The following CACUL1 variants were observed in gnomAD, a reference collection of about 807,000 sequenced individuals.
CACUL1 encodes the protein CDK2 associated cullin domain 1, also known as CDK2-associated and cullin domain-containing protein 1.
CACUL1 carries 13 observed loss-of-function variants against 45.2 expected under a neutral mutation model. The ratio of observed to expected loss-of-function variants is 0.29; its 90% CI spans 0.19 to 0.46. CACUL1 has a LOEUF of 0.46. CACUL1 is among the 20% of genes least tolerant of loss of function. The pLI is 1.00. For missense variants in CACUL1, 421 were observed against 471.4 expected (o/e 0.89, Z 0.99); for synonymous variants, 197 against 174.2 (o/e 1.13, Z -1.03).
intron 1 of CACUL1, among the ~76,000 whole-genome samples, chr10:118,730,782 T>C (rs1215643021): frequency 1.3e-5 from 2 of 152,194 alleles, no homozygotes; most frequent in East Asian, 3.8e-4. Context: ...GGCCTATCAA[T>C]GAACCACAGG....
intron 3 of CACUL1, chr10:118,726,239 C>CCA: frequency 9.9e-7 from 1 of 1,005,496 alleles, no homozygotes; most frequent in Non-Finnish European, 1.4e-6. Context: ...TTACATCAGG[C>CCA]CACACACATC....
chr10:118,730,370 GT>G lies in CACUL1; in HGVS notation c.407del (p.Tyr136SerfsTer9). On this transcript the variant is annotated frameshift_variant, in exon 2 of 9. Coordinates refer to ENST00000369151, the MANE Select transcript of CACUL1 (RefSeq NM_153810.5). LOFTEE classifies it high-confidence loss of function. ...VITIEDYKST[Y>X]WPKLDGAIDQ... The stretch of plus-strand genomic sequence containing the variant: ...CTATGGCACCATCCAATTTTGGCCA[GT>G]ATGTGCTCTTATAATCTTCAATAGT... The G allele has an allele frequency of 6.2e-7, 1 of 1,613,560 alleles. No homozygotes were observed. The highest frequency in any genetic ancestry group is 8.5e-7 in the Non-Finnish European group (1 of 1,179,496).
intron 1 of CACUL1, among the ~76,000 whole-genome samples, chr10:118,751,071 T>C (rs1845893620): frequency 6.6e-6 from 1 of 152,258 alleles, no homozygotes; most frequent in East Asian, 1.9e-4. Flanking sequence ...TAGGGTTTCC[T>C]ATTCTTTCTA....
chr10:118,686,743 T>A, intron 7 of CACUL1, 102 bp from the exon 8 acceptor site: 1 of 816,812 alleles, frequency 1.2e-6, no homozygotes, highest in Non-Finnish European at 2.1e-6. Flanking sequence ...ATTTCAGTTC[T>A]AACCAAACCT....
At chr10:118,734,186 C>T (rs898515858) in intron 1 of CACUL1, among the ~76,000 whole-genome samples, 2 of 152,196 alleles carry the variant, frequency 1.3e-5, no homozygotes, top group Non-Finnish European at 2.9e-5. Context: ...TTCTTGATTT[C>T]TACAGTTCAG....
rs540309572 is a variant in CACUL1, at chr10:118,723,238, A to G, written c.597+6057T>C. Reference sequence around the variant, plus strand: ...AAAATTATTCCATTTTTTCCCCTCTATGTCTTGTTAACTATGTTTTTTTAC... The same window carrying G: ...AAAATTATTCCATTTTTTCCCCTCTGTGTCTTGTTAACTATGTTTTTTTAC... On this transcript the variant is annotated intron_variant, in intron 3 of 8. Coordinates refer to ENST00000369151, the MANE Select transcript of CACUL1 (RefSeq NM_153810.5). 2.6e-5 allele frequency among the ~76,000 whole-genome samples: 4 copies of G among 151,816 alleles called. No homozygotes were observed. In the South Asian group the frequency reaches 8.3e-4, roughly 32 times the overall value.
chr10:118,677,434 G>A lies in CACUL1; in HGVS notation c.*8694C>T, dbSNP rs529522088. The A allele has an allele frequency of 3.4e-4, 51 of 152,198 alleles. No homozygotes were observed. The highest frequency in any genetic ancestry group is 1.2e-3 in the African/African-American group (49 of 41,524). The allele number at this position is 152,198 out of a possible 1,614,324, so 9.4% of individuals were successfully genotyped here. On this transcript the variant is annotated 3_prime_UTR_variant, in exon 9 of 9. Coordinates refer to ENST00000369151, the MANE Select transcript of CACUL1 (RefSeq NM_153810.5). ...CTGGCATGTTTAGAATGGTCCAAACGTTCATATTATGAAGTGCTTCCAAGT... is the reference window on the plus strand; with the variant it reads ...CTGGCATGTTTAGAATGGTCCAAACATTCATATTATGAAGTGCTTCCAAGT...
Position 118,682,747 on chromosome 10 carries a change from G to A in CACUL1, c.*3381C>T, listed in dbSNP as rs990224505. 4 of 152,692 alleles carry A rather than the reference G, an allele frequency of 2.6e-5. No homozygotes were observed. The highest frequency in any genetic ancestry group is 7.2e-5 in the African/African-American group (3 of 41,460). 9.5% of individuals were successfully genotyped at this position (152,692 alleles called of 1,614,324 possible). On this transcript the variant is annotated 3_prime_UTR_variant, in exon 9 of 9. Coordinates refer to ENST00000369151, the MANE Select transcript of CACUL1 (RefSeq NM_153810.5). ...CATGGCACGCAGCCAGGGAGTGGTA[G>A]CTGCACAGTGTGAGCACTGGAGATG...
At chr10:118,697,941 A>G (rs771897541) in intron 5 of CACUL1, among the ~76,000 whole-genome samples, 3 of 152,226 alleles carry the variant, frequency 2.0e-5, no homozygotes, top group Non-Finnish European at 4.4e-5. Context: ...ATAAGCAAAT[A>G]TGCATAAAAA....
intron 1 of CACUL1, among the ~76,000 whole-genome samples, chr10:118,742,720 C>CA (rs972473186): frequency 2.0e-5 from 3 of 152,022 alleles, no homozygotes; most frequent in African/African-American, 4.8e-5. Flanking sequence ...TGAAACCTCA[C>CA]AAAAAAGATT....
At position 118,754,864 on chromosome 10, in the gene CACUL1, C is replaced by A; in HGVS notation, c.-102G>T. 1 of 1,449,158 alleles carries A rather than the reference C, an allele frequency of 6.9e-7. No homozygotes were observed. Among genetic ancestry groups the A allele is most frequent in the South Asian group, 1.4e-5 (1 of 71,914 alleles). 89.8% of individuals were successfully genotyped at this position (1,449,158 alleles called of 1,614,324 possible). A position where few individuals can be genotyped will look rare whatever the true frequency, so the allele number is the denominator to read the frequency against. ...CCTCCCCGAGTTACATCGCCGGCGG[C>A]AGGAATGGGCGCAGCGGAGAGGGCT... On this transcript the variant is annotated 5_prime_UTR_variant, in exon 1 of 9. Transcript: ENST00000369151.
At chr10:118,689,904 G>A (rs1314125733) in intron 7 of CACUL1, among the ~76,000 whole-genome samples, 1 of 152,148 alleles carries the variant, frequency 6.6e-6, no homozygotes, top group African/African-American at 2.4e-5. Flanking sequence ...TAAATTAAGA[G>A]CAAATGTTCA....
intron 1 of CACUL1, among the ~76,000 whole-genome samples, chr10:118,750,180 G>A (rs183359768): frequency 3.9e-5 from 6 of 152,202 alleles, no homozygotes; most frequent in Non-Finnish European, 7.4e-5. Context: ...ACAAAAATTA[G>A]CCGGGCATGG....
chr10:118,684,681 A>G lies in CACUL1; in HGVS notation c.*1447T>C, dbSNP rs1845187105. ...TATCCCACTTCTAACTCTCCCACCCACACCACTCCCCCCAAAAAATAAACT... is the reference window on the plus strand; with the variant it reads ...TATCCCACTTCTAACTCTCCCACCCGCACCACTCCCCCCAAAAAATAAACT... On this transcript the variant is annotated 3_prime_UTR_variant, in exon 9 of 9. Coordinates refer to ENST00000369151, the MANE Select transcript of CACUL1 (RefSeq NM_153810.5). 1 of 152,144 alleles carries G rather than the reference A, an allele frequency of 6.6e-6. No individual in the cohort carries two copies. The highest frequency in any genetic ancestry group is 2.1e-4 in the South Asian group (1 of 4,830). The allele number at this position is 152,144 out of a possible 1,614,324, so 9.4% of individuals were successfully genotyped here. A position where few individuals can be genotyped will look rare whatever the true frequency, so the allele number is the denominator to read the frequency against.
intron 7 of CACUL1, 109 bp from the exon 8 acceptor site, chr10:118,686,750 A>T: frequency 1.3e-6 from 1 of 786,270 alleles, no homozygotes; most frequent in Non-Finnish European, 2.2e-6. Flanking sequence ...TTCTAACCAA[A>T]CCTATTTAAA....
chr10:118,729,028 A>C (rs1845675901), intron 3 of CACUL1: 1 of 318,092 alleles, frequency 3.1e-6, no homozygotes, highest in Non-Finnish European at 5.8e-6. Flanking sequence ...ATAAAGTTTT[A>C]AATAAAAGAA....
At chr10:118,693,718 T>G in intron 6 of CACUL1, 2 of 456,920 alleles carry the variant, frequency 4.4e-6, no homozygotes, top group Non-Finnish European at 8.8e-6. Context: ...TCAGGAGCCA[T>G]CTTCATCACA....
In CACUL1 at chr10:118,754,870, T is replaced by C. The variant is rs547570266; in HGVS notation, c.-108A>G. ...CGAGTTACATCGCCGGCGGCAGGAA[T>C]GGGCGCAGCGGAGAGGGCTGCGGTG... On this transcript the variant is annotated 5_prime_UTR_variant, in exon 1 of 9. Transcript: ENST00000369151. 2 of 1,438,316 alleles carry C rather than the reference T, an allele frequency of 1.4e-6. No homozygotes were observed. Among genetic ancestry groups the C allele is most frequent in the Admixed American group, 2.4e-5 (1 of 40,936 alleles). The allele number at this position is 1,438,316 out of a possible 1,614,324, so 89.1% of individuals were successfully genotyped here. A position where few individuals can be genotyped will look rare whatever the true frequency, so the allele number is the denominator to read the frequency against.
chr10:118,742,051 T>C (rs1323631823), intron 1 of CACUL1, among the ~76,000 whole-genome samples: 3 of 152,240 alleles, frequency 2.0e-5, no homozygotes, highest in Non-Finnish European at 2.9e-5. Flanking sequence ...AGCTTTATTA[T>C]AGCATTTAAT....
Sources: allele counts gnomAD v4.1 joint callset (sites outside exome capture counted in the v4.1 genomes callset), GRCh38; gene constraint gnomAD v4.1.1; transcripts MANE v1.5; gene names NCBI Gene and HGNC (gene_info 2026-07-23, HGNC 2026-07-21).